Variants in ACAD10 observed in about 807,000 individuals in gnomAD.
ACAD10 encodes the protein ACAD-10.
Under a neutral mutation model 116.8 loss-of-function variants are expected in ACAD10, and 112 were observed. That is an observed-to-expected ratio of 0.96 (90% CI 0.82 to 1.12). The LOEUF (loss-of-function observed/expected upper bound fraction) is 1.12. Among genes scored for constraint, ACAD10 ranks in the 50% most tolerant of loss-of-function variants. The probability of loss-of-function intolerance (pLI) is 0.00; values close to 1 mark genes in which losing one functional copy is unlikely to be tolerated. For missense variants in ACAD10, 1,259 were observed against 1,350.2 expected, an observed-to-expected ratio of 0.93 and a Z score of 1.06; for synonymous variants, 486 against 510.6, an observed-to-expected ratio of 0.95 and a Z score of 0.65.
At chr12:111,743,516 T>C (rs1889808446) in intron 12 of ACAD10, among the ~76,000 whole-genome samples, 1 of 151,918 alleles carries the variant, frequency 6.6e-6, no homozygotes, top group Non-Finnish European at 1.5e-5. Context: ...TTTGTATTTT[T>C]AGTAGAGACA....
chr12:111,732,439 A>C (rs1889416415), intron 10 of ACAD10, among the ~76,000 whole-genome samples: 1 of 152,204 alleles, frequency 6.6e-6, no homozygotes, highest in African/African-American at 2.4e-5. Flanking sequence ...TATAGATAAG[A>C]GAAATATAGA....
intron 17 of ACAD10, chr12:111,748,858 C>T: frequency 1.2e-6 from 1 of 811,872 alleles, no homozygotes; most frequent in African/African-American, 1.7e-5. Flanking sequence ...ATAGTGTTCA[C>T]ATTTTTACTT....
chr12:111,695,533 C>T (rs1402531992), intron 2 of ACAD10, among the ~76,000 whole-genome samples: 3 of 151,980 alleles, frequency 2.0e-5, no homozygotes, highest in Non-Finnish European at 4.4e-5. Context: ...TTCCAGGACC[C>T]CAGGTCTGGG....
intron 8 of ACAD10, among the ~76,000 whole-genome samples, chr12:111,726,674 A>G (rs1236493777): frequency 6.6e-6 from 1 of 151,786 alleles, no homozygotes; most frequent in Non-Finnish European, 1.5e-5. Flanking sequence ...ATCCTGGCTA[A>G]CAGAGTGAAA....
At chr12:111,694,553 A>C (rs761728446) in intron 2 of ACAD10, among the ~76,000 whole-genome samples, 166 of 152,262 alleles carry the variant, frequency 1.1e-3, no homozygotes, top group Non-Finnish European at 1.8e-3. Context: ...CACTGGACAG[A>C]AAGTTTCTTG....
chr12:111,703,678 A>G (rs1379160593), intron 3 of ACAD10, among the ~76,000 whole-genome samples: 1 of 151,872 alleles, frequency 6.6e-6, no homozygotes, highest in Non-Finnish European at 1.5e-5. Flanking sequence ...TCTCTACTAA[A>G]AATACAAAAT....
chr12:111,753,458 C>A, intron 18 of ACAD10: 1 of 563,098 alleles, frequency 1.8e-6, no homozygotes, highest in Non-Finnish European at 3.4e-6. Context: ...ATAACTGCTC[C>A]TGTCTGGTAG....
chr12:111,747,482 G>A (rs865893569), intron 16 of ACAD10, 97 bp downstream of exon 16: 70 of 1,579,536 alleles, frequency 4.4e-5, no homozygotes, highest in South Asian at 3.7e-4. Context: ...GCTTTTTCAA[G>A]TTGACACAAA....
intron 2 of ACAD10, among the ~76,000 whole-genome samples, chr12:111,696,573 G>A (rs1398280404): frequency 6.6e-6 from 1 of 152,130 alleles, no homozygotes; most frequent in East Asian, 1.9e-4. Flanking sequence ...GCAGAGTTGA[G>A]TAATTTCAAC....
At chr12:111,730,401 C>A (rs1889352937) in intron 10 of ACAD10, among the ~76,000 whole-genome samples, 1 of 152,012 alleles carries the variant, frequency 6.6e-6, no homozygotes. Context: ...ACTCACCTCC[C>A]AAGAGGCCTG....
intron 10 of ACAD10, among the ~76,000 whole-genome samples, chr12:111,731,936 A>T (rs532322029): frequency 1.8e-4 from 27 of 152,142 alleles, no homozygotes; most frequent in Admixed American, 8.5e-4. Context: ...TATAAAAATT[A>T]CCTGAGTGTG....
At chr12:111,720,067 T>C (rs1332113085) in intron 7 of ACAD10, among the ~76,000 whole-genome samples, 1 of 152,142 alleles carries the variant, frequency 6.6e-6, no homozygotes, top group African/African-American at 2.4e-5. Flanking sequence ...TTTCGCCGTA[T>C]TGGCCAGGCT....
At chr12:111,750,732 C>A (rs1247995684) in intron 18 of ACAD10, among the ~76,000 whole-genome samples, 1 of 152,178 alleles carries the variant, frequency 6.6e-6, no homozygotes, top group Non-Finnish European at 1.5e-5. Flanking sequence ...CCTACCACCC[C>A]CAAAGTTTGG....
At position 111,702,841 on chromosome 12, in the gene ACAD10, T is replaced by G. The variant is rs1888388917; in HGVS notation, c.336+531T>G. 2.0e-5 allele frequency among the ~76,000 whole-genome samples: 3 copies of G among 151,300 alleles called. 1 individual carries two copies. In the South Asian group the frequency reaches 6.3e-4, roughly 32 times the overall value. On this transcript the variant is annotated intron_variant, in intron 3 of 20. Transcript: ENST00000313698. Reference sequence around the variant, plus strand: ...AGGCGTGGTGGCTAACACCTGTAACTTCAGCACTTTGGGAGGCTGAGACAG... The same window carrying G: ...AGGCGTGGTGGCTAACACCTGTAACGTCAGCACTTTGGGAGGCTGAGACAG...
At position 111,687,620 on chromosome 12, in the gene ACAD10, C is replaced by T. The variant is rs117113762; in HGVS notation, c.-14+1381C>T. Among the ~76,000 whole-genome samples, 62 of 152,260 alleles carry T rather than the reference C, an allele frequency of 4.1e-4. No homozygotes were observed. In the East Asian group the frequency reaches 9.8e-3, roughly 24 times the overall value. The stretch of plus-strand genomic sequence containing the variant: ...TCTTGTGAACTTTTTTAGTATATTA[C>T]TATAGTAGATAACATTTCAACATGT... On this transcript the variant is annotated intron_variant, in intron 1 of 20. Coordinates refer to ENST00000313698, the MANE Select transcript of ACAD10 (RefSeq NM_025247.6).
At chr12:111,741,628 G>A (rs2135985411) in intron 12 of ACAD10, among the ~76,000 whole-genome samples, 1 of 152,222 alleles carries the variant, frequency 6.6e-6, no homozygotes, top group South Asian at 2.1e-4. Context: ...CCTCTGGGAA[G>A]CCAGCCAGAC....
chr12:111,735,919 G>A (rs931457928), intron 11 of ACAD10, among the ~76,000 whole-genome samples: 27 of 151,314 alleles, frequency 1.8e-4, no homozygotes, highest in Admixed American at 1.7e-3. Flanking sequence ...TCACTCTGTC[G>A]CCCAGGCTGG....
chr12:111,757,056 G>C lies in ACAD10; in HGVS notation c.*583G>C, dbSNP rs1189745914. 2 of 357,464 alleles carry C rather than the reference G, an allele frequency of 5.6e-6. No individual in the cohort carries two copies. 22.1% of individuals were successfully genotyped at this position (357,464 alleles called of 1,614,324 possible). On this transcript the variant is annotated 3_prime_UTR_variant, in exon 21 of 21. Coordinates refer to ENST00000313698, the MANE Select transcript of ACAD10 (RefSeq NM_025247.6). ...ATCATTTAAATGTTATTTTGGAAAG[G>C]GGTTTTGGGGACACAGAAGAATAAG...
chr12:111,742,193 A>T (rs1471243216), intron 12 of ACAD10, among the ~76,000 whole-genome samples: 2 of 152,232 alleles, frequency 1.3e-5, no homozygotes, highest in Non-Finnish European at 2.9e-5. Context: ...TTTTTCAGGG[A>T]CAAAGTAGCA....
Sources: gnomAD v4.1 joint callset for allele counts (sites outside exome capture counted in the v4.1 genomes callset) on GRCh38, gnomAD v4.1.1 for gene constraint, MANE v1.5 for transcripts, NCBI Gene and HGNC (gene_info 2026-07-23, HGNC 2026-07-21) for gene names.